Variants in CLIC5 observed in about 807,000 individuals in gnomAD.
CLIC5 encodes chloride intracellular channel protein 5.
In CLIC5, 20 loss-of-function variants were observed where a neutral mutation model predicts 24.7. The ratio of observed to expected loss-of-function variants is 0.81; its 90% CI spans 0.57 to 1.18. The LOEUF (loss-of-function observed/expected upper bound fraction) is 1.18, where lower values mean the gene tolerates loss of function less well. CLIC5 is among the 50% of genes most tolerant of loss of function. CLIC5 has a pLI of 0.00. For missense variants in CLIC5, 341 were observed against 326.1 expected, an observed-to-expected ratio of 1.05 and a Z score of -0.35; for synonymous variants, 159 against 135.6, an observed-to-expected ratio of 1.17 and a Z score of -1.20.
chr6:45,994,479 A>G (rs141761834), intron 1 of CLIC5, among the ~76,000 whole-genome samples: 121 of 152,204 alleles, frequency 7.9e-4, no homozygotes, highest in Non-Finnish European at 1.4e-3. Context: ...AACGCACACC[A>G]GGGCATGTTG....
chr6:46,108,032 C>CAAAAA, the CLIC5 span, among the ~76,000 whole-genome samples: 46 of 33,130 alleles, frequency 1.4e-3, 1 homozygote, highest in East Asian at 1.8e-3. Flanking sequence ...AAAACTCCAT[C>CAAAAA]AAAAAAAAAA....
downstream of CLIC5, among the ~76,000 whole-genome samples, chr6:45,894,677 A>G (rs747251005): frequency 3.3e-5 from 5 of 152,246 alleles, no homozygotes; most frequent in Non-Finnish European, 7.3e-5. Context: ...ACAGAGTCTT[A>G]GTAGCACATC....
At chr6:45,936,562 T>C (rs1193696299) in intron 4 of CLIC5, among the ~76,000 whole-genome samples, 1 of 152,112 alleles carries the variant, frequency 6.6e-6, no homozygotes, top group Non-Finnish European at 1.5e-5. Context: ...TTATGAGGTA[T>C]ACACAGTTAT....
At chr6:46,021,199 T>C (rs1208379895) in intron 1 of CLIC5, among the ~76,000 whole-genome samples, 1 of 151,948 alleles carries the variant, frequency 6.6e-6, no homozygotes, top group African/African-American at 2.4e-5. Context: ...TGCTCAACGT[T>C]CTTCAGTAGA....
intron 4 of CLIC5, among the ~76,000 whole-genome samples, chr6:45,921,165 A>AG (rs1042177560): frequency 2.2e-4 from 34 of 152,262 alleles, no homozygotes; most frequent in African/African-American, 7.7e-4. Context: ...ATGGCAGGTA[A>AG]GGGGGGGCTG....
downstream of CLIC5, among the ~76,000 whole-genome samples, chr6:45,893,503 G>A (rs1762370128): frequency 6.6e-6 from 1 of 152,066 alleles, no homozygotes; most frequent in Admixed American, 6.6e-5. Context: ...CTGATTTCAG[G>A]TTCTCTTGCT....
chr6:45,919,103 C>T (rs1288707292), intron 4 of CLIC5: 22 of 985,238 alleles, frequency 2.2e-5, no homozygotes, highest in South Asian at 1.4e-4. Context: ...ACTTTAATTT[C>T]GTCCATTTTG....
rs551007585 is a variant in CLIC5, at chr6:46,066,134, G to A, written c.540+13569C>T. On this transcript the variant is annotated intron_variant, in intron 1 of 5. Coordinates refer to the CLIC5 transcript ENST00000185206. ...GAAATGAGGTGTCTGAAGGAGTATG[G>A]TTGGGAAGCAACTCTATCTTTTGTA... Among the ~76,000 whole-genome samples the A allele has an allele frequency of 2.0e-5, 3 of 152,278 alleles. No homozygotes were observed. The East Asian group carries it at 5.8e-4, about 29-fold the overall frequency.
chr6:45,905,202 A>T (rs1051121939), intron 5 of CLIC5, among the ~76,000 whole-genome samples: 3 of 152,172 alleles, frequency 2.0e-5, no homozygotes, highest in African/African-American at 7.2e-5. Context: ...TGCATATGAA[A>T]TTTTTTTGGT....
At chr6:46,056,651 C>T (rs1364614164) in intron 1 of CLIC5, among the ~76,000 whole-genome samples, 1 of 152,020 alleles carries the variant, frequency 6.6e-6, no homozygotes, top group African/African-American at 2.4e-5. Context: ...GATAGGAGTC[C>T]CCCTACACCA....
the CLIC5 span, among the ~76,000 whole-genome samples, chr6:46,117,952 A>G: frequency 6.6e-6 from 1 of 152,216 alleles, no homozygotes; most frequent in African/African-American, 2.4e-5. Flanking sequence ...GAAACACAAG[A>G]CAGTGACAAT....
At chr6:45,938,778 A>G (rs559189590) in intron 4 of CLIC5, among the ~76,000 whole-genome samples, 3 of 152,332 alleles carry the variant, frequency 2.0e-5, no homozygotes, top group African/African-American at 4.8e-5. Flanking sequence ...CTCAAATGAG[A>G]TAATCTTTCT....
chr6:46,056,684 A>G (rs576820467), intron 1 of CLIC5, among the ~76,000 whole-genome samples: 1 of 152,184 alleles, frequency 6.6e-6, no homozygotes, highest in African/African-American at 2.4e-5. Flanking sequence ...TTAATTATTT[A>G]CTGGGATACC....
chr6:45,951,372 T>G (rs1764462787), intron 2 of CLIC5, among the ~76,000 whole-genome samples: 1 of 152,222 alleles, frequency 6.6e-6, no homozygotes, highest in African/African-American at 2.4e-5. Flanking sequence ...GAACAATTAA[T>G]TGAACTTCCT....
At chr6:45,976,214 A>G (rs1040904713) in intron 1 of CLIC5, among the ~76,000 whole-genome samples, 1 of 152,238 alleles carries the variant, frequency 6.6e-6, no homozygotes, top group Non-Finnish European at 1.5e-5. Flanking sequence ...AATGGAATAA[A>G]TGGTAAATAG....
At chr6:46,041,181 T>C (rs1432520701) in intron 1 of CLIC5, among the ~76,000 whole-genome samples, 3 of 152,242 alleles carry the variant, frequency 2.0e-5, no homozygotes, top group African/African-American at 7.2e-5. Context: ...TGTGCATTTG[T>C]GTGCTTTTAC....
chr6:46,059,290 C>T (rs1214175862), intron 1 of CLIC5, among the ~76,000 whole-genome samples: 2 of 152,206 alleles, frequency 1.3e-5, no homozygotes, highest in African/African-American at 4.8e-5. Flanking sequence ...ACCAAGGCCA[C>T]ATTGCATACG....
chr6:45,919,013 A>C, intron 4 of CLIC5: 1 of 985,398 alleles, frequency 1.0e-6, no homozygotes, highest in Non-Finnish European at 1.2e-6. Context: ...CGTACAATGG[A>C]AATGTGCCTT....
chr6:45,939,441 C>G (rs1764055535), intron 4 of CLIC5, among the ~76,000 whole-genome samples: 1 of 151,960 alleles, frequency 6.6e-6, no homozygotes, highest in Non-Finnish European at 1.5e-5. Flanking sequence ...ATCCACCCAC[C>G]TTGGCCTCCT....
Sources: gnomAD v4.1 joint callset for allele counts (sites outside exome capture counted in the v4.1 genomes callset) on GRCh38, gnomAD v4.1.1 for gene constraint, MANE v1.5 for transcripts, NCBI Gene and HGNC (gene_info 2026-07-23, HGNC 2026-07-21) for gene names.